Variants in CPEB3 observed in about 807,000 individuals in gnomAD.
CPEB3 encodes cytoplasmic polyadenylation element-binding protein 3.
A neutral mutation model predicts 67.2 loss-of-function variants in CPEB3; 20 were observed. The observed-to-expected ratio is 0.30, with a 90% CI of 0.21 to 0.43. The LOEUF is 0.43. Ranked by LOEUF, CPEB3 falls within the 20% of genes least tolerant of loss-of-function variation. The pLI, the probability that CPEB3 is intolerant of heterozygous loss-of-function variation, is 1.00. For synonymous variants in CPEB3, 376 were observed against 393.1 expected (o/e 0.96, Z 0.51); for missense variants, 746 against 968.6 (o/e 0.77, Z 3.05).
rs532042370 is a variant in CPEB3, at chr10:92,114,601, C to A, written c.1454-3407G>T. Among the ~76,000 whole-genome samples, 145 of 152,320 alleles carry A rather than the reference C, an allele frequency of 9.5e-4. 1 individual carries two copies. Among genetic ancestry groups the A allele is most frequent in the Non-Finnish European group, 2.9e-5 (2 of 68,034 alleles). ...TATGCACCAGACACTGTTCTAAGTGCCTTGTGGACATTAACTCATTTCATC... is the reference window on the plus strand; with the variant it reads ...TATGCACCAGACACTGTTCTAAGTGACTTGTGGACATTAACTCATTTCATC... On this transcript the variant is annotated intron_variant, in intron 6 of 9. Coordinates refer to ENST00000265997, the MANE Select transcript of CPEB3 (RefSeq NM_014912.5).
chr10:92,248,082 G>T (rs1852144646), intron 1 of CPEB3, among the ~76,000 whole-genome samples: 1 of 151,906 alleles, frequency 6.6e-6, no homozygotes, highest in Non-Finnish European at 1.5e-5. Context: ...GTATCTTGTG[G>T]GCGTAGTTCC....
intron 4 of CPEB3, among the ~76,000 whole-genome samples, chr10:92,171,778 C>T (rs1290581441): frequency 6.6e-6 from 1 of 152,096 alleles, no homozygotes; most frequent in Non-Finnish European, 1.5e-5. Flanking sequence ...CCATGCCTGA[C>T]TAATTTTTGT....
At chr10:92,246,091 T>G (rs1456774880) in intron 1 of CPEB3, among the ~76,000 whole-genome samples, 1 of 151,274 alleles carries the variant, frequency 6.6e-6, no homozygotes, top group East Asian at 1.9e-4. Context: ...ATCCCAGCAC[T>G]TTGGGAGGCC....
intron 8 of CPEB3, among the ~76,000 whole-genome samples, chr10:92,085,239 T>C (rs1362925218): frequency 6.6e-6 from 1 of 152,192 alleles, no homozygotes; most frequent in South Asian, 2.1e-4. Flanking sequence ...CTTTCCAAAC[T>C]ACTTTTTATT....
intron 9 of CPEB3, among the ~76,000 whole-genome samples, chr10:92,073,038 C>CTTTT (rs546510647): frequency 6.5e-5 from 4 of 61,234 alleles, no homozygotes; most frequent in East Asian, 4.8e-4. Context: ...GAATCTCTGT[C>CTTTT]TTTTTTTTTT....
At chr10:92,234,695 G>A (rs749342792) in intron 2 of CPEB3, among the ~76,000 whole-genome samples, 6 of 152,154 alleles carry the variant, frequency 3.9e-5, no homozygotes, top group East Asian at 1.9e-4. Context: ...TTGGGAGGGC[G>A]AGGTGGCAGA....
At chr10:92,091,140 G>T (rs1843599889) in intron 8 of CPEB3, among the ~76,000 whole-genome samples, 1 of 151,978 alleles carries the variant, frequency 6.6e-6, no homozygotes, top group Non-Finnish European at 1.5e-5. Context: ...TTTAATTTTA[G>T]GTAGAACTAA....
rs1236055339 is a variant in CPEB3, at chr10:92,077,478, C to T, written c.1869+3842G>A. ...TCATAATAAAGAAAGGATGTTGGGC[C>T]GAGCACAGTGGTTCAAGCCTGTAAT... On this transcript the variant is annotated intron_variant, in intron 9 of 9. Coordinates refer to ENST00000265997, the MANE Select transcript of CPEB3 (RefSeq NM_014912.5). 2.0e-5 allele frequency among the ~76,000 whole-genome samples: 3 copies of T among 152,150 alleles called. No homozygotes were observed. The South Asian group carries it at 6.2e-4, about 32-fold the overall frequency.
intron 7 of CPEB3, among the ~76,000 whole-genome samples, chr10:92,097,548 G>A (rs762883058): frequency 6.6e-6 from 1 of 152,040 alleles, no homozygotes; most frequent in Non-Finnish European, 1.5e-5. Context: ...ATCTCCAAAG[G>A]CAAAATCTTT....
rs577557437 is a variant in CPEB3, at chr10:92,100,172, A to G, written c.1573-8228T>C. Reference sequence around the variant, plus strand: ...TTGTTGTATCTAATTTAATTACAGGATAAGAGAAAACACAATTTTTTGTTT... The same window carrying G: ...TTGTTGTATCTAATTTAATTACAGGGTAAGAGAAAACACAATTTTTTGTTT... On this transcript the variant is annotated intron_variant, in intron 7 of 9. Transcript: ENST00000265997. Among the ~76,000 whole-genome samples the G allele has an allele frequency of 7.2e-5, 11 of 152,276 alleles. No homozygotes were observed. The East Asian group carries it at 1.5e-3, about 21-fold the overall frequency.
At chr10:92,066,219 GA>G (rs1202857842) in intron 9 of CPEB3, among the ~76,000 whole-genome samples, 4 of 152,108 alleles carry the variant, frequency 2.6e-5, no homozygotes, top group African/African-American at 4.8e-5. Context: ...CAATGGCTAG[GA>G]AAAGAGCAGC....
Position 92,240,166 on chromosome 10 carries a change from G to A in CPEB3, c.185C>T (p.Pro62Leu), listed in dbSNP as rs1413383198. The stretch of plus-strand genomic sequence containing the variant: ...CTTGTCCGGGCCGTTGGGGGCCGGG[G>A]GGGCAGCGGCTGGGCTGAGGGCCGG... ...AVPALSPAAA[P>L]PAPNGPDKMQ... The change falls in exon 2 of 10, where the codon CCC (proline) becomes CTC (leucine). Residue 62 changes from proline (P) to leucine (L), a missense_variant. Pro to Leu is a moderately conservative substitution (Grantham distance 98). Coordinates refer to ENST00000265997, the MANE Select transcript of CPEB3 (RefSeq NM_014912.5). 1.9e-6 allele frequency: 3 copies of A among 1,547,624 alleles called. No individual in the cohort carries two copies. In the Admixed American group the frequency reaches 5.9e-5, roughly 30 times the overall value.
chr10:92,205,508 ACT>A (rs1849743771), intron 2 of CPEB3, among the ~76,000 whole-genome samples: 1 of 118,564 alleles, frequency 8.4e-6, no homozygotes, highest in South Asian at 2.5e-4. Flanking sequence ...ACGGAGTCTC[ACT>A]CTGTCACCCA....
At chr10:92,053,099 TCA>T in intron 9 of CPEB3, among the ~76,000 whole-genome samples, 1 of 152,320 alleles carries the variant, frequency 6.6e-6, no homozygotes, top group Middle Eastern at 3.4e-3. Flanking sequence ...GAAAAGGGAC[TCA>T]CAGCTGAGGT....
intron 2 of CPEB3, among the ~76,000 whole-genome samples, chr10:92,203,710 C>A (rs1287120450): frequency 6.6e-5 from 10 of 151,882 alleles, no homozygotes; most frequent in Non-Finnish European, 4.4e-5. Flanking sequence ...ACATGAGCCA[C>A]CACGTCCTCG....
At chr10:92,060,372 T>C (rs903793930) in intron 9 of CPEB3, among the ~76,000 whole-genome samples, 13 of 151,936 alleles carry the variant, frequency 8.6e-5, no homozygotes, top group Non-Finnish European at 1.8e-4. Flanking sequence ...TAAATCAAAA[T>C]AGATTAAAAT....
At chr10:92,080,908 T>C (rs943405385) in intron 9 of CPEB3, among the ~76,000 whole-genome samples, 5 of 152,070 alleles carry the variant, frequency 3.3e-5, no homozygotes, top group African/African-American at 1.2e-4. Context: ...CATTTGGCAA[T>C]TTTCAAACCA....
At chr10:92,238,183 T>C (rs573828259) in intron 2 of CPEB3, among the ~76,000 whole-genome samples, 13 of 152,314 alleles carry the variant, frequency 8.5e-5, no homozygotes, top group African/African-American at 3.1e-4. Context: ...CCTCTCCCCT[T>C]TTTCTTTAAC....
At chr10:92,083,616 AG>A (rs1185485882) in intron 8 of CPEB3, among the ~76,000 whole-genome samples, 9 of 152,246 alleles carry the variant, frequency 5.9e-5, no homozygotes, top group African/African-American at 2.2e-4. Context: ...TAATGAAATA[AG>A]TAACCTCAGG....
Sources: allele counts gnomAD v4.1 joint callset (sites outside exome capture counted in the v4.1 genomes callset), GRCh38; gene constraint gnomAD v4.1.1; transcripts MANE v1.5; gene names NCBI Gene and HGNC (gene_info 2026-07-23, HGNC 2026-07-21).